DGAT2L6: variants seen among roughly 807,000 people sequenced by gnomAD.
The protein encoded by DGAT2L6 is diacylglycerol O-acyltransferase 2-like protein 6.
A neutral mutation model predicts 25.5 loss-of-function variants in DGAT2L6; 22 were observed. That is an observed-to-expected ratio of 0.86 (90% CI 0.62 to 1.23). The LOEUF (loss-of-function observed/expected upper bound fraction) is 1.23. Ranked by LOEUF, DGAT2L6 falls within the 50% of genes most tolerant of loss-of-function variation. DGAT2L6 has a pLI of 0.00. For missense variants in DGAT2L6, 287 were observed against 253.2 expected (o/e 1.13, Z -0.91); for synonymous variants, 100 against 94.7 (o/e 1.06, Z -0.32).
At chrX:70,182,469 CTTTTTTTT>C (rs1171530335) in intron 1 of DGAT2L6, among the ~76,000 whole-genome samples, 5 of 49,137 alleles carry the variant, frequency 1.0e-4, no homozygotes, top group Admixed American at 4.9e-4. Flanking sequence ...TCAAAAGCAT[CTTTTTTTT>C]TTTTTTTTTT....
At chrX:70,202,166 A>C in intron 5 of DGAT2L6, 102 bp downstream of exon 5, 1 of 755,763 alleles carries the variant, frequency 1.3e-6, no homozygotes, top group Non-Finnish European at 1.8e-6. Context: ...GAGGGCCCCC[A>C]TCTTCACTCT....
chrX:70,205,196 G>T lies in DGAT2L6; in HGVS notation c.*90G>T. On this transcript the variant is annotated 3_prime_UTR_variant, in exon 7 of 7. Coordinates refer to ENST00000333026, the MANE Select transcript of DGAT2L6 (RefSeq NM_198512.3). ...AAAGAAGAATTCCAGGAGAGGGAAA[G>T]ATCGTAAGGATGAGAGAGGAGACCA... 6 of 984,448 alleles carry T rather than the reference G, an allele frequency of 6.1e-6. No individual in the cohort carries two copies. The highest frequency in any genetic ancestry group is 8.0e-6 in the Non-Finnish European group (6 of 752,575). 81.1% of individuals were successfully genotyped at this position (984,448 alleles called of 1,213,427 possible). A position where few individuals can be genotyped will look rare whatever the true frequency, so the allele number is the denominator to read the frequency against.
Position 70,204,445 on chromosome X carries a change from C to A in DGAT2L6, c.788C>A (p.Thr263Asn). 5.0e-6 allele frequency: 6 copies of A among 1,211,580 alleles called. No individual in the cohort carries two copies. Among genetic ancestry groups the A allele is most frequent in the Non-Finnish European group, 5.6e-6 (5 of 895,537 alleles). Residue 263 changes from threonine to asparagine, a missense_variant, in exon 6 of 7, where the codon ACC (threonine) becomes AAC (asparagine). Physicochemically the swap from Thr to Asn is moderately conservative, Grantham distance 65. Coordinates refer to ENST00000333026, the MANE Select transcript of DGAT2L6 (RefSeq NM_198512.3). ...FKKILGLNFC[T>N]FHGRGFTRGS... ...AAAATCCTGGGACTAAATTTCTGTA[C>A]CTTCCATGGCCGGGGCTTCACTCGC...
chrX:70,197,290 A>G (rs1295672105), intron 1 of DGAT2L6, among the ~76,000 whole-genome samples: 1 of 111,855 alleles, frequency 8.9e-6, no homozygotes, highest in African/African-American at 3.3e-5. Context: ...TATTTCTCCT[A>G]TATCTTTAAA....
At position 70,204,528 on chromosome X, in the gene DGAT2L6, C is replaced by G. The variant is rs760821923; in HGVS notation, c.859+12C>G. 2 of 1,206,364 alleles carry G rather than the reference C, an allele frequency of 1.7e-6. No homozygotes were observed. Among genetic ancestry groups the G allele is most frequent in the African/African-American group, 1.7e-5 (1 of 57,604 alleles). ...CATTACCACTGTTGGTGAGCTTTCC[C>G]TTATCTCCGGATGACCTGTTTCTTC... On this transcript the variant is annotated intron_variant, in intron 6 of 6. Coordinates refer to ENST00000333026, the MANE Select transcript of DGAT2L6 (RefSeq NM_198512.3).
At chrX:70,199,031 C>T (rs1367302513) in intron 1 of DGAT2L6, among the ~76,000 whole-genome samples, 1 of 111,820 alleles carries the variant, frequency 8.9e-6, no homozygotes, top group East Asian at 2.8e-4. Flanking sequence ...CATGGTTCTG[C>T]TCTTTCTTCA....
At chrX:70,192,892 C>A (rs1602691243) in intron 1 of DGAT2L6, among the ~76,000 whole-genome samples, 1 of 111,532 alleles carries the variant, frequency 9.0e-6, no homozygotes, top group East Asian at 2.8e-4. Flanking sequence ...ATATAAAGGT[C>A]ATAAAAGACT....
At chrX:70,196,477 A>G (rs1335778131) in intron 1 of DGAT2L6, among the ~76,000 whole-genome samples, 3 of 94,954 alleles carry the variant, frequency 3.2e-5, no homozygotes, top group South Asian at 6.1e-4. Flanking sequence ...ACAGAACCAG[A>G]TCCTGTCTCA....
At position 70,204,913 on chromosome X, in the gene DGAT2L6, G is replaced by C. The variant is rs752507212; in HGVS notation, c.860-39G>C. On this transcript the variant is annotated intron_variant, in intron 6 of 6. Transcript: ENST00000333026. ...TGAGGGATGAGTAGTTTGAGTTGAG[G>C]GGGGAACTCTGATGTTTGTCTCTTT... is the stretch of plus-strand genomic sequence containing the variant. 2.0e-5 allele frequency: 23 copies of C among 1,143,041 alleles called. No individual in the cohort carries two copies. The East Asian group carries it at 6.8e-4, about 34-fold the overall frequency. 94.2% of individuals were successfully genotyped at this position (1,143,041 alleles called of 1,213,427 possible). A position where few individuals can be genotyped will look rare whatever the true frequency, so the allele number is the denominator to read the frequency against.
rs989324899 is a variant in DGAT2L6, at chrX:70,201,154, G to A, written c.472+695G>A. 4.5e-5 allele frequency among the ~76,000 whole-genome samples: 5 copies of A among 111,752 alleles called. No homozygotes were observed. In the East Asian group the frequency reaches 1.4e-3, roughly 32 times the overall value. ...AGGTAAGATACATTTCTGTGGAGGG[G>A]CCAGGTGGGACCACTAGAGTCCCAG... is the stretch of plus-strand genomic sequence containing the variant. On this transcript the variant is annotated intron_variant, in intron 4 of 6. Transcript: ENST00000333026.
chrX:70,187,181 G>A (rs1035946810), intron 1 of DGAT2L6, among the ~76,000 whole-genome samples: 1 of 110,036 alleles, frequency 9.1e-6, no homozygotes, highest in Non-Finnish European at 1.9e-5. Flanking sequence ...TTGTTTGTTT[G>A]TTTGTTTGTT....
At chrX:70,193,596 T>G (rs1247981972) in intron 1 of DGAT2L6, among the ~76,000 whole-genome samples, 1 of 112,101 alleles carries the variant, frequency 8.9e-6, no homozygotes, top group African/African-American at 3.2e-5. Flanking sequence ...TGGTTCAACA[T>G]GCATATGTCA....
At chrX:70,202,232 T>C (rs768821779) in intron 5 of DGAT2L6, among the ~76,000 whole-genome samples, 168 bp downstream of exon 5, 24 of 112,178 alleles carry the variant, frequency 2.1e-4, no homozygotes, top group Non-Finnish European at 3.9e-4. Context: ...GGCCTCCAGA[T>C]ACATTTCAGT....
At chrX:70,189,364 T>TA (rs1027398696) in intron 1 of DGAT2L6, among the ~76,000 whole-genome samples, 14 of 111,177 alleles carry the variant, frequency 1.3e-4, no homozygotes, top group Non-Finnish European at 2.5e-4. Flanking sequence ...ATAGAAATTT[T>TA]AAAAAAAATA....
At chrX:70,187,281 G>A (rs2085362691) in intron 1 of DGAT2L6, among the ~76,000 whole-genome samples, 1 of 111,102 alleles carries the variant, frequency 9.0e-6, no homozygotes, top group South Asian at 3.8e-4. Context: ...AAGATGAATA[G>A]GAACTAGCCA....
intron 1 of DGAT2L6, among the ~76,000 whole-genome samples, chrX:70,184,141 C>T (rs890755749): frequency 9.0e-6 from 1 of 111,621 alleles, no homozygotes; most frequent in Non-Finnish European, 1.9e-5. Flanking sequence ...TCTATGTGAC[C>T]TTGAGCAAGT....
intron 3 of DGAT2L6, 128 bp downstream of exon 3, chrX:70,200,010 C>G: frequency 1.4e-6 from 1 of 720,339 alleles, no homozygotes. Flanking sequence ...TAATGCAAAG[C>G]AAGGGCCCAA....
At chrX:70,178,735 G>C (rs2085334338) in intron 1 of DGAT2L6, among the ~76,000 whole-genome samples, 1 of 111,776 alleles carries the variant, frequency 8.9e-6, no homozygotes, top group Admixed American at 9.5e-5. Flanking sequence ...ACTTTGAATT[G>C]GGATGAATAA....
At chrX:70,185,583 G>A (rs775224028) in intron 1 of DGAT2L6, among the ~76,000 whole-genome samples, 1 of 111,959 alleles carries the variant, frequency 8.9e-6, no homozygotes, top group East Asian at 2.8e-4. Context: ...ACAGAGTGCT[G>A]TTTCACAACA....
Sources: gnomAD v4.1 joint callset for allele counts (sites outside exome capture counted in the v4.1 genomes callset) on GRCh38, gnomAD v4.1.1 for gene constraint, MANE v1.5 for transcripts, NCBI Gene and HGNC (gene_info 2026-07-23, HGNC 2026-07-21) for gene names.